Variants in MAP3K5 observed in about 807,000 individuals in gnomAD.
MAP3K5 encodes the protein ASK-1.
MAP3K5 carries 56 observed loss-of-function variants against 158.7 expected under a neutral mutation model. The ratio of observed to expected loss-of-function variants is 0.35; its 90% CI spans 0.28 to 0.44. The LOEUF is 0.44. Ranked by LOEUF, MAP3K5 falls within the 20% of genes least tolerant of loss-of-function variation. The pLI, the probability that MAP3K5 is intolerant of heterozygous loss-of-function variation, is 1.00. For synonymous variants in MAP3K5, 579 were observed against 601.7 expected (o/e 0.96, Z 0.55); for missense variants, 1,294 against 1,674.8 (o/e 0.77, Z 3.97).
intron 1 of MAP3K5, among the ~76,000 whole-genome samples, chr6:136,743,650 T>C (rs1335650529): frequency 6.6e-6 from 1 of 152,200 alleles, no homozygotes; most frequent in Non-Finnish European, 1.5e-5. Context: ...TAAACGTTTA[T>C]ACTATTGCTA....
intron 28 of MAP3K5, among the ~76,000 whole-genome samples, chr6:136,560,285 C>A (rs1424437215): frequency 6.6e-6 from 1 of 151,938 alleles, no homozygotes; most frequent in Non-Finnish European, 1.5e-5. Flanking sequence ...TTCGAGACCA[C>A]CCTGGCCAAT....
chr6:136,636,014 A>G (rs915503368), intron 14 of MAP3K5, among the ~76,000 whole-genome samples: 2 of 152,248 alleles, frequency 1.3e-5, no homozygotes, highest in African/African-American at 4.8e-5. Flanking sequence ...AAGTATGCCA[A>G]TTAGACTGGT....
chr6:136,763,723 C>T lies in MAP3K5; in HGVS notation c.448+27987G>A, dbSNP rs148483058. The stretch of plus-strand genomic sequence containing the variant: ...ACTGCTGTGGTTTGAACAGTTGTCC[C>T]CTCCAAGTGTCATGGTGAAATTTAA... On this transcript the variant is annotated intron_variant, in intron 1 of 29. Transcript: ENST00000359015. 4.6e-3 allele frequency among the ~76,000 whole-genome samples: 705 copies of T among 152,216 alleles called. 4 individuals carry two copies. Among genetic ancestry groups the T allele is most frequent in the African/African-American group, 0.017 (686 of 41,532 alleles).
In MAP3K5 at chr6:136,725,376, G is replaced by A. The variant is rs1415708324; in HGVS notation, c.449-4787C>T. Among the ~76,000 whole-genome samples, 11 of 152,180 alleles carry A rather than the reference G, an allele frequency of 7.2e-5. 1 individual carries two copies. In the South Asian group the frequency reaches 1.0e-3, roughly 14 times the overall value. On this transcript the variant is annotated intron_variant, in intron 1 of 29. Transcript: ENST00000359015. Reference sequence around the variant, plus strand: ...TCTTTGTCAGCGCTTGGTATTGTCCGTTTTTCTTCTAAAGCCAGTCTAATA... The same window carrying A: ...TCTTTGTCAGCGCTTGGTATTGTCCATTTTTCTTCTAAAGCCAGTCTAATA...
At chr6:136,731,047 AG>A (rs1480589567) in intron 1 of MAP3K5, among the ~76,000 whole-genome samples, 1 of 152,204 alleles carries the variant, frequency 6.6e-6, no homozygotes, top group African/African-American at 2.4e-5. Flanking sequence ...TCTTGGGAGG[AG>A]GAATCCAGAT....
intron 14 of MAP3K5, among the ~76,000 whole-genome samples, chr6:136,625,098 G>A (rs1214005604): frequency 2.0e-5 from 3 of 152,148 alleles, no homozygotes; most frequent in African/African-American, 4.8e-5. Context: ...TGGGGATGAA[G>A]GCAAGATTTT....
intron 3 of MAP3K5, among the ~76,000 whole-genome samples, chr6:136,699,265 T>G (rs1468945535): frequency 6.6e-6 from 1 of 152,208 alleles, no homozygotes; most frequent in East Asian, 1.9e-4. Flanking sequence ...TAATGTCATA[T>G]TTGTCCATTT....
upstream of MAP3K5, among the ~76,000 whole-genome samples, chr6:136,793,021 G>GC (rs1785158231): frequency 6.6e-6 from 1 of 152,130 alleles, no homozygotes; most frequent in Non-Finnish European, 1.5e-5. Context: ...CACCCACCCG[G>GC]CCCCCACCTA....
At chr6:136,640,928 A>G (rs1238797216) in intron 12 of MAP3K5, among the ~76,000 whole-genome samples, 1 of 152,240 alleles carries the variant, frequency 6.6e-6, no homozygotes, top group East Asian at 1.9e-4. Context: ...AGCCAGCAAT[A>G]GTAAGATAGA....
chr6:136,762,730 A>G (rs112220255), intron 1 of MAP3K5, among the ~76,000 whole-genome samples: 1 of 152,178 alleles, frequency 6.6e-6, no homozygotes, highest in African/African-American at 2.4e-5. Context: ...GGCAGGTTGC[A>G]GGTGAATTAA....
intron 7 of MAP3K5, among the ~76,000 whole-genome samples, chr6:136,690,283 T>C (rs1780330191): frequency 6.6e-6 from 1 of 152,196 alleles, no homozygotes; most frequent in Admixed American, 6.5e-5. Flanking sequence ...TGTATCCTTC[T>C]GCCACTTGCT....
chr6:136,618,473 T>G (rs185513219), intron 15 of MAP3K5, among the ~76,000 whole-genome samples: 1 of 152,364 alleles, frequency 6.6e-6, no homozygotes, highest in East Asian at 1.9e-4. Flanking sequence ...TGTGTGTGTA[T>G]AGTAGCATTT....
chr6:136,680,849 A>T (rs1779902310), intron 7 of MAP3K5, among the ~76,000 whole-genome samples: 1 of 152,190 alleles, frequency 6.6e-6, no homozygotes, highest in Non-Finnish European at 1.5e-5. Flanking sequence ...AAGGCTGGAA[A>T]GATGGGAAGA....
chr6:136,630,806 GTC>G (rs1777312936), intron 14 of MAP3K5, among the ~76,000 whole-genome samples: 1 of 152,196 alleles, frequency 6.6e-6, no homozygotes. Context: ...CTTTGTGTAA[GTC>G]TCTTTCATTG....
chr6:136,755,337 A>C (rs1321082294), intron 1 of MAP3K5, among the ~76,000 whole-genome samples: 1 of 151,846 alleles, frequency 6.6e-6, no homozygotes, highest in Non-Finnish European at 1.5e-5. Flanking sequence ...CTCACTCTTC[A>C]CCTAGGCCCT....
chr6:136,756,186 T>G (rs533448938), intron 1 of MAP3K5, among the ~76,000 whole-genome samples: 40 of 149,918 alleles, frequency 2.7e-4, no homozygotes, highest in Non-Finnish European at 4.7e-4. Flanking sequence ...GGCATGGTGG[T>G]GCATGCCTGT....
At chr6:136,743,315 T>A (rs1304258058) in intron 1 of MAP3K5, among the ~76,000 whole-genome samples, 3 of 151,916 alleles carry the variant, frequency 2.0e-5, no homozygotes, top group African/African-American at 7.3e-5. Context: ...CCGGGCATGG[T>A]GGCAGGCACC....
At chr6:136,612,192 AG>A (rs1776375269) in intron 17 of MAP3K5, among the ~76,000 whole-genome samples, 1 of 152,204 alleles carries the variant, frequency 6.6e-6, no homozygotes, top group Admixed American at 6.5e-5. Flanking sequence ...AATAATTATA[AG>A]ATCCAATATT....
intron 1 of MAP3K5, among the ~76,000 whole-genome samples, chr6:136,790,507 A>G (rs1308052959): frequency 6.6e-6 from 1 of 152,234 alleles, no homozygotes; most frequent in African/African-American, 2.4e-5. Flanking sequence ...GACCAAAACT[A>G]TTTTAAAAAT....
Sources: allele counts gnomAD v4.1 joint callset (sites outside exome capture counted in the v4.1 genomes callset), GRCh38; gene constraint gnomAD v4.1.1; transcripts MANE v1.5; gene names NCBI Gene and HGNC (gene_info 2026-07-23, HGNC 2026-07-21).